FCN2: variants seen among roughly 807,000 people sequenced by gnomAD.
FCN2 encodes the protein ficolin 2, also known as ficolin-2.
Under a neutral mutation model 32.5 loss-of-function variants are expected in FCN2, and 31 were observed. The ratio of observed to expected loss-of-function variants is 0.96; its 90% CI spans 0.72 to 1.29. The LOEUF is 1.29. Ranked by LOEUF, FCN2 falls within the 50% of genes most tolerant of loss-of-function variation. FCN2 has a pLI of 0.00. For synonymous variants in FCN2, 181 were observed against 164.5 expected, an observed-to-expected ratio of 1.10 and a Z score of -0.77; for missense variants, 412 against 406.5, an observed-to-expected ratio of 1.01 and a Z score of -0.12.
At chr9:134,883,500 A>G in intron 3 of FCN2, 145 bp downstream of exon 3, 1 of 727,480 alleles carries the variant, frequency 1.4e-6, no homozygotes, top group Non-Finnish European at 2.4e-6. Context: ...GGCTTAGTCC[A>G]GGGCAGGGGT....
the FCN2 span, among the ~76,000 whole-genome samples, chr9:134,874,403 G>A: frequency 6.6e-5 from 10 of 152,058 alleles, no homozygotes; most frequent in African/African-American, 2.4e-4. Flanking sequence ...TATATAGTGT[G>A]AGGTAGGGAC....
the FCN2 span, among the ~76,000 whole-genome samples, chr9:134,870,942 C>G: frequency 2.0e-5 from 3 of 152,294 alleles, no homozygotes; most frequent in East Asian, 5.8e-4. The surrounding 1 kb of genome is among the most constrained non-coding windows in gnomAD (Gnocchi z 4.3). Flanking sequence ...TGCCCTCTCT[C>G]CATTCTCCAC....
chr9:134,883,446 G>A (rs777469272), intron 3 of FCN2, 91 bp downstream of exon 3: 289 of 1,184,054 alleles, frequency 2.4e-4, no homozygotes, highest in Non-Finnish European at 3.4e-4. Context: ...GGGCTGCCAC[G>A]CTGTCCTCGC....
At chr9:134,882,283 C>T (rs1830675022) in intron 1 of FCN2, among the ~76,000 whole-genome samples, 1 of 152,182 alleles carries the variant, frequency 6.6e-6, no homozygotes, top group Non-Finnish European at 1.5e-5. Context: ...AGGGTTCTGC[C>T]CCAAATCACC....
At chr9:134,879,953 C>T (rs1353980215), upstream of FCN2, among the ~76,000 whole-genome samples, 2 of 152,126 alleles carry the variant, frequency 1.3e-5, no homozygotes, top group African/African-American at 4.8e-5. Flanking sequence ...TCTAACCTGG[C>T]TCAGTCCAAG....
intron 3 of FCN2, 58 bp downstream of exon 3, chr9:134,883,413 A>G: frequency 6.8e-7 from 1 of 1,466,076 alleles, no homozygotes; most frequent in Non-Finnish European, 9.6e-7. Context: ...CTGGCTGCAG[A>G]GGAACGTGAG....
Position 134,884,737 on chromosome 9 carries a change from C to G in FCN2, c.269-3C>G, listed in dbSNP as rs766903462. On this transcript the variant is annotated splice_polypyrimidine_tract_variant and splice_region_variant and intron_variant, in intron 3 of 7. Coordinates refer to ENST00000291744, the MANE Select transcript of FCN2 (RefSeq NM_004108.3). ...ACGTGTGTCCTCTCTCATCCATGAACAGGAGCACCTGGGGAGCCCCAGCCG... is the reference window on the plus strand; with the variant it reads ...ACGTGTGTCCTCTCTCATCCATGAAGAGGAGCACCTGGGGAGCCCCAGCCG... 1 of 1,613,842 alleles carries G rather than the reference C, an allele frequency of 6.2e-7. No homozygotes were observed. The highest frequency in any genetic ancestry group is 1.3e-5 in the African/African-American group (1 of 74,946).
intron 5 of FCN2, 76 bp downstream of exon 5, chr9:134,885,442 A>T: frequency 1.3e-6 from 2 of 1,575,746 alleles, no homozygotes; most frequent in Non-Finnish European, 1.7e-6. Flanking sequence ...GGGAGAACAC[A>T]CTCTGGAATT....
the FCN2 span, among the ~76,000 whole-genome samples, chr9:134,864,403 C>T: frequency 5.9e-5 from 9 of 152,320 alleles, no homozygotes; most frequent in East Asian, 1.2e-3. Context: ...GTGGGGCCTG[C>T]GGAAGACAGC....
At chr9:134,865,627 G>A in the FCN2 span, among the ~76,000 whole-genome samples, 5 of 149,100 alleles carry the variant, frequency 3.4e-5, no homozygotes, top group African/African-American at 9.9e-5. Context: ...GTGAGCCAGG[G>A]GTGAGGACAG....
At chr9:134,874,563 G>T in the FCN2 span, among the ~76,000 whole-genome samples, 1 of 152,092 alleles carries the variant, frequency 6.6e-6, no homozygotes, top group African/African-American at 2.4e-5. Context: ...CTGTGTCATT[G>T]TTCTATTTGT....
the FCN2 span, among the ~76,000 whole-genome samples, chr9:134,872,910 C>A: frequency 1.3e-5 from 2 of 152,178 alleles, no homozygotes; most frequent in African/African-American, 2.4e-5. Flanking sequence ...GCAAGAGAAG[C>A]GGGTCCTCCA....
intron 5 of FCN2, 24 bp downstream of exon 5, chr9:134,885,390 C>A (rs779776370): frequency 6.2e-7 from 1 of 1,610,142 alleles, no homozygotes; most frequent in South Asian, 1.1e-5. Flanking sequence ...TGGGCAGAGG[C>A]GGTCAGCCTG....
At chr9:134,865,293 C>T in the FCN2 span, among the ~76,000 whole-genome samples, 1 of 152,222 alleles carries the variant, frequency 6.6e-6, no homozygotes, top group Admixed American at 6.5e-5. Context: ...TCTGGCCCCC[C>T]TGCATTGCAG....
rs199687442 is a variant in FCN2, at chr9:134,886,562, C to T, written c.692C>T (p.Ala231Val). The T allele has an allele frequency of 5.6e-6, 9 of 1,613,804 alleles. No homozygotes were observed. Among genetic ancestry groups the T allele is most frequent in the South Asian group, 3.3e-5 (3 of 91,066 alleles). The change falls in exon 7 of 8, where the codon GCG (alanine) becomes GTG (valine). Residue 231 changes from alanine (A) to valine (V), a missense_variant and splice_region_variant. Physicochemically the swap from Ala to Val is moderately conservative, Grantham distance 64. Coordinates refer to ENST00000291744, the MANE Select transcript of FCN2 (RefSeq NM_004108.3). ...CTGGGGGCCTTCGTGGAGGGCAGTG[C>T]GGGTGAGTGTCTGCTTGGGGCTGTG... ...LVLGAFVEGSAGDSLTFHNNQ... is the reference protein window; with the variant it reads ...LVLGAFVEGSVGDSLTFHNNQ...
At position 134,886,437 on chromosome 9, in the gene FCN2, C is replaced by T. The variant is rs150362115; in HGVS notation, c.567C>T (p.Ser189=). The T allele has an allele frequency of 8.1e-6, 13 of 1,614,162 alleles. No individual in the cohort carries two copies. The highest frequency in any genetic ancestry group is 5.0e-5 in the Admixed American group (3 of 60,024). ...NIHALTAQGT[S]ELRVDLVDFE... ...GAAACCTTTCTCTAACAGGAACCAG[C>T]GAGCTCCGTGTAGACCTGGTGGACT... The change falls in exon 7 of 8, where the codon AGC becomes AGT. Residue 189 remains serine (S), a synonymous_variant. Transcript: ENST00000291744.
chr9:134,867,640 T>TA, the FCN2 span, among the ~76,000 whole-genome samples: 20 of 113,068 alleles, frequency 1.8e-4, no homozygotes, highest in African/African-American at 3.0e-4. Context: ...TAAACTATAA[T>TA]AAAAAAAAAA....
At chr9:134,866,482 A>G in the FCN2 span, among the ~76,000 whole-genome samples, 1 of 150,262 alleles carries the variant, frequency 6.7e-6, no homozygotes, top group African/African-American at 2.4e-5. Flanking sequence ...TTATACAAAA[A>G]TCAATTCAAG....
At chr9:134,883,193 C>T (rs960141727) in intron 2 of FCN2, 109 bp from the exon 3 acceptor site, 32 of 961,766 alleles carry the variant, frequency 3.3e-5, no homozygotes, top group Non-Finnish European at 4.1e-5. Context: ...CGTCGTAGCA[C>T]GAGCAGGGTC....
Sources: gnomAD v4.1 joint callset for allele counts (sites outside exome capture counted in the v4.1 genomes callset) on GRCh38, gnomAD v4.1.1 for gene constraint, Gnocchi (gnomAD v3.1) non-coding constraint, MANE v1.5 for transcripts, NCBI Gene and HGNC (gene_info 2026-07-23, HGNC 2026-07-21) for gene names.